The following TIMM44 variants were observed in gnomAD, a reference collection of about 807,000 sequenced individuals.
The protein encoded by TIMM44 is translocase of inner mitochondrial membrane 44, also known as mitochondrial import inner membrane translocase subunit TIM44.
In TIMM44, 37 loss-of-function variants were observed where a neutral mutation model predicts 63.8. The observed-to-expected ratio is 0.58, with a 90% CI of 0.45 to 0.76. The LOEUF (loss-of-function observed/expected upper bound fraction) is 0.76, where lower values mean the gene tolerates loss of function less well. Ranked by LOEUF, TIMM44 falls within the 30% of genes least tolerant of loss-of-function variation. The pLI, the probability that TIMM44 is intolerant of heterozygous loss-of-function variation, is 0.00. For synonymous variants in TIMM44, 239 were observed against 245.1 expected, an observed-to-expected ratio of 0.98 and a Z score of 0.23; for missense variants, 573 against 603.8, an observed-to-expected ratio of 0.95 and a Z score of 0.54.
At position 7,933,605 on chromosome 19, in the gene TIMM44, G is replaced by GCGCCAGGGT; in HGVS notation, c.684-36_684-35insACCCTGGCG. The GCGCCAGGGT allele has an allele frequency of 2.5e-6, 4 of 1,577,142 alleles. No homozygotes were observed. Among genetic ancestry groups the GCGCCAGGGT allele is most frequent in the Non-Finnish European group, 3.5e-6 (4 of 1,146,684 alleles). ...AGGGTGGGCCCTGGGGTGAGCGGCGGCGCCAGGGCCACCCTGTGCCCTCCT... is the reference window on the plus strand; with the variant it reads ...AGGGTGGGCCCTGGGGTGAGCGGCGGCGCCAGGGTCGCCAGGGCCACCCTGTGCCCTCCT... On this transcript the variant is annotated intron_variant, in intron 6 of 12. Coordinates refer to ENST00000270538, the MANE Select transcript of TIMM44 (RefSeq NM_006351.4). The surrounding 1 kb of genome is among the most constrained non-coding windows in gnomAD (Gnocchi z 4.3).
In TIMM44 at chr19:7,927,142, G is replaced by GT. The variant is rs766720611; in HGVS notation, c.*44dup. 29 of 1,577,784 alleles carry GT rather than the reference G, an allele frequency of 1.8e-5. No homozygotes were observed. The highest frequency in any genetic ancestry group is 2.3e-5 in the Non-Finnish European group (27 of 1,168,410). On this transcript the variant is annotated 3_prime_UTR_variant, in exon 13 of 13. Transcript: ENST00000270538. ...CCGCAGGTGGTGTTGCGGTGCCTCT[G>GT]TGCCTGATGACCCAGGCCGGGGCTA... is the stretch of plus-strand genomic sequence containing the variant.
At chr19:7,930,139 G>A (rs144875688) in intron 10 of TIMM44, among the ~76,000 whole-genome samples, 22,854 of 151,230 alleles carry the variant, frequency 0.15, 2,253 homozygotes, top group Middle Eastern at 0.22. Flanking sequence ...GTTAGCCACC[G>A]TGCCCGACCT....
Position 7,934,095 on chromosome 19 carries a change from G to A in TIMM44, c.537C>T (p.Leu179=), listed in dbSNP as rs767220406. The change falls in exon 5 of 13, where the codon CTC becomes CTT. Residue 179 remains leucine (L), a synonymous_variant. Transcript: ENST00000270538. This position sits in a 1 kb window ranked among gnomAD's most constrained non-coding sequence, Gnocchi z 5.3. ...AGCCCAGGACTGGGCTCACCTGGGA[G>A]AGGGCTCTGAAGGCCGCTGTCCTGC... ...KLGRTAAFRA[L]SQGVESVKKE... is the part of the protein sequence containing the mutation. 26 of 1,613,282 alleles carry A rather than the reference G, an allele frequency of 1.6e-5. No individual in the cohort carries two copies. The South Asian group carries it at 2.7e-4, about 17-fold the overall frequency.
Position 7,934,071 on chromosome 19 carries a change from G to GC in TIMM44, c.543+17dup. 1 of 1,613,278 alleles carries GC rather than the reference G, an allele frequency of 6.2e-7. No homozygotes were observed. The highest frequency in any genetic ancestry group is 1.1e-5 in the South Asian group (1 of 91,086). ...CGGCCGCCCCAGGCTGCATGCCCTA[G>GC]CCCAGGACTGGGCTCACCTGGGAGA... On this transcript the variant is annotated intron_variant, in intron 5 of 12. Coordinates refer to ENST00000270538, the MANE Select transcript of TIMM44 (RefSeq NM_006351.4). The surrounding 1 kb of genome is among the most constrained non-coding windows in gnomAD (Gnocchi z 5.3).
chr19:7,941,377 T>C (rs899011770), intron 1 of TIMM44, among the ~76,000 whole-genome samples, 180 bp from the exon 2 acceptor site: 3 of 150,876 alleles, frequency 2.0e-5, no homozygotes, highest in Admixed American at 1.3e-4. Context: ...AACCTATGCC[T>C]CCTGGGTTCA....
chr19:7,933,429 C>T lies in TIMM44; in HGVS notation c.769+56G>A, dbSNP rs1325433008. The T allele has an allele frequency of 4.8e-5, 71 of 1,490,752 alleles. No individual in the cohort carries two copies. The highest frequency in any genetic ancestry group is 1.5e-5 in the Non-Finnish European group (16 of 1,067,414). The allele number at this position is 1,490,752 out of a possible 1,614,324, so 92.3% of individuals were successfully genotyped here. On this transcript the variant is annotated intron_variant, in intron 7 of 12. Transcript: ENST00000270538. The surrounding 1 kb of genome is among the most constrained non-coding windows in gnomAD (Gnocchi z 4.3). ...TGCCCAATGCAGGGGGATCACCTTGCGGTCCACCAACTGCCCGGGACACAG... is the reference window on the plus strand; with the variant it reads ...TGCCCAATGCAGGGGGATCACCTTGTGGTCCACCAACTGCCCGGGACACAG...
chr19:7,935,569 C>G (rs1984130232), intron 3 of TIMM44, among the ~76,000 whole-genome samples: 1 of 152,238 alleles, frequency 6.6e-6, no homozygotes, highest in Non-Finnish European at 1.5e-5. Context: ...CTCCCCGCAC[C>G]TGCCAGCATG....
rs1326628216 is a variant in TIMM44 at position 7,933,962 on chromosome 19, C to G, written c.585G>C (p.Leu195=). 6.2e-6 allele frequency: 10 copies of G among 1,614,070 alleles called. No homozygotes were observed. Among genetic ancestry groups the G allele is most frequent in the Non-Finnish European group, 8.5e-6 (10 of 1,180,054 alleles). ...SVKKEIDDSV[L]GQTGPYRRPQ... Reference sequence around the variant, plus strand: ...GCCTCCGGTAGGGCCCGGTCTGTCCCAGGACGCTGTCGTCAATTTCCTTCT... The same window carrying G: ...GCCTCCGGTAGGGCCCGGTCTGTCCGAGGACGCTGTCGTCAATTTCCTTCT... Residue 195 remains leucine, a synonymous_variant, in exon 6 of 13, where the codon CTG becomes CTC. Coordinates refer to ENST00000270538, the MANE Select transcript of TIMM44 (RefSeq NM_006351.4). The surrounding 1 kb of genome is among the most constrained non-coding windows in gnomAD (Gnocchi z 4.3).
At position 7,927,159 on chromosome 19, in the gene TIMM44, C is replaced by T. The variant is rs1436153849; in HGVS notation, c.*28G>A. On this transcript the variant is annotated 3_prime_UTR_variant, in exon 13 of 13. Coordinates refer to ENST00000270538, the MANE Select transcript of TIMM44 (RefSeq NM_006351.4). ...GTGCCTCTGTGCCTGATGACCCAGGCCGGGGCTACCTGGCTCCGGCACCAC... is the reference window on the plus strand; with the variant it reads ...GTGCCTCTGTGCCTGATGACCCAGGTCGGGGCTACCTGGCTCCGGCACCAC... 3.1e-6 allele frequency: 5 copies of T among 1,594,248 alleles called. No homozygotes were observed. In the East Asian group the frequency reaches 1.1e-4, roughly 36 times the overall value.
intron 3 of TIMM44, among the ~76,000 whole-genome samples, chr19:7,935,409 C>T (rs1984125219): frequency 6.6e-6 from 1 of 152,170 alleles, no homozygotes; most frequent in Admixed American, 6.5e-5. Flanking sequence ...AAGTGATCCA[C>T]CCGCCTCGGC....
In TIMM44 at chr19:7,928,148, G is replaced by A. The variant is rs1983870797; in HGVS notation, c.1057C>T (p.His353Tyr). The A allele has an allele frequency of 1.2e-6, 2 of 1,613,810 alleles. No individual in the cohort carries two copies. The highest frequency in any genetic ancestry group is 8.5e-7 in the Non-Finnish European group (1 of 1,179,868). ...AGTGCCTTGGCCTGCTGGATGGGGT[G>A]GGCCAGCTGGCTGTAAGTCTGCAAT... ...CYEATYSQLA[H>Y]PIQQAKALGL... Residue 353 changes from histidine (H) to tyrosine (Y), a missense_variant, in exon 11 of 13, where the codon CAC becomes TAC. By Grantham distance (83) the His-to-Tyr change is moderately conservative (BLOSUM62 2). Coordinates refer to ENST00000270538, the MANE Select transcript of TIMM44 (RefSeq NM_006351.4).
chr19:7,941,650 G>C (rs1022837891), intron 1 of TIMM44, among the ~76,000 whole-genome samples: 1 of 151,752 alleles, frequency 6.6e-6, no homozygotes, highest in African/African-American at 2.4e-5. Context: ...TCTTCCCAAA[G>C]TCTGAGAAGC....
At position 7,934,910 on chromosome 19, in the gene TIMM44, G is replaced by A. The variant is rs533192265; in HGVS notation, c.393+155C>T. 2.0e-5 allele frequency among the ~76,000 whole-genome samples: 3 copies of A among 152,226 alleles called. No individual in the cohort carries two copies. The highest frequency in any genetic ancestry group is 1.3e-4 in the Admixed American group (2 of 15,286). ...AGTCTGACCTCACCCTGCATGTGCCGGGAACTCCTGAAACCTTCCCGAGGG... is the reference window on the plus strand; with the variant it reads ...AGTCTGACCTCACCCTGCATGTGCCAGGAACTCCTGAAACCTTCCCGAGGG... On this transcript the variant is annotated intron_variant, in intron 4 of 12. Transcript: ENST00000270538. The surrounding 1 kb of genome is among the most constrained non-coding windows in gnomAD (Gnocchi z 5.3).
chr19:7,928,280 G>A, intron 10 of TIMM44, 114 bp from the exon 11 acceptor site: 3 of 887,136 alleles, frequency 3.4e-6, no homozygotes, highest in Non-Finnish European at 3.5e-6. Context: ...AGCCAGCAAT[G>A]GCAGAGGCCA....
In TIMM44 at chr19:7,935,114, C is replaced by G. The variant is rs1984108487; in HGVS notation, c.344G>C (p.Ser115Thr). The change falls in exon 4 of 13, where the codon AGC becomes ACC. Residue 115 changes from serine (S) to threonine (T), a missense_variant. Ser to Thr is a moderately conservative substitution (Grantham distance 58, BLOSUM62 1). Coordinates refer to ENST00000270538, the MANE Select transcript of TIMM44 (RefSeq NM_006351.4). ...KTIESETVRT[S>T]EVLRKKLGEL... The stretch of plus-strand genomic sequence containing the variant: ...CCCAAGCTTCTTCCGTAGCACCTCG[C>G]TCGTCCGCACGGTTTCTGACTCGAT... The G allele has an allele frequency of 6.2e-7, 1 of 1,613,594 alleles. No homozygotes were observed. The highest frequency in any genetic ancestry group is 1.3e-5 in the African/African-American group (1 of 74,870).
At chr19:7,928,399 G>C in intron 10 of TIMM44, 1 of 549,410 alleles carries the variant, frequency 1.8e-6, no homozygotes, top group Non-Finnish European at 3.2e-6. Context: ...ATGAAAACAG[G>C]ATTAATCAGC....
chr19:7,936,075 A>C (rs1453740059), intron 3 of TIMM44, among the ~76,000 whole-genome samples: 1 of 152,162 alleles, frequency 6.6e-6, no homozygotes, highest in Non-Finnish European at 1.5e-5. Flanking sequence ...AATCACCTGA[A>C]CATGGGAAGG....
intron 10 of TIMM44, chr19:7,928,387 C>T: frequency 1.8e-6 from 1 of 563,500 alleles, no homozygotes; most frequent in East Asian, 2.9e-5. Flanking sequence ...CCAGATGACC[C>T]AATGAAAACA....
rs769660961 is a variant in TIMM44 at position 7,933,992 on chromosome 19, G to A, written c.555C>T (p.Ser185=). ...AFRALSQGVE[S]VKKEIDDSVL... ...CGCTGTCGTCAATTTCCTTCTTCACGGACTCCACCCCCTGCGAGGGAGGCA... is the reference window on the plus strand; with the variant it reads ...CGCTGTCGTCAATTTCCTTCTTCACAGACTCCACCCCCTGCGAGGGAGGCA... The change falls in exon 6 of 13, where the codon TCC becomes TCT. Residue 185 remains serine, a synonymous_variant. Transcript: ENST00000270538. The surrounding 1 kb of genome is among the most constrained non-coding windows in gnomAD (Gnocchi z 4.3). 17 of 1,613,848 alleles carry A rather than the reference G, an allele frequency of 1.1e-5. No individual in the cohort carries two copies. Among genetic ancestry groups the A allele is most frequent in the Admixed American group, 1.7e-5 (1 of 60,004 alleles).
Sources: allele counts gnomAD v4.1 joint callset (sites outside exome capture counted in the v4.1 genomes callset), GRCh38; gene constraint gnomAD v4.1.1; non-coding constraint Gnocchi (gnomAD v3.1); transcripts MANE v1.5; gene names NCBI Gene and HGNC (gene_info 2026-07-23, HGNC 2026-07-21).